Variants in PRORP observed in about 807,000 individuals in gnomAD.
The protein encoded by PRORP is protein only RNase P catalytic subunit.
A neutral mutation model predicts 59.4 loss-of-function variants in PRORP; 51 were observed. The observed-to-expected ratio is 0.86, with a 90% CI of 0.69 to 1.08. PRORP has a LOEUF of 1.08. PRORP is among the 50% of genes least tolerant of loss of function. The pLI is 0.00. For missense variants in PRORP, 646 were observed against 690.3 expected, an observed-to-expected ratio of 0.94 and a Z score of 0.72; for synonymous variants, 231 against 245.6, an observed-to-expected ratio of 0.94 and a Z score of 0.55.
At chr14:35,122,047 G>A (rs1307666562), upstream of PRORP, 8 of 1,475,520 alleles carry the variant, frequency 5.4e-6, no homozygotes, top group Non-Finnish European at 6.6e-6. Context: ...GCCAGGCCCC[G>A]TAAAGGTTAG....
At chr14:35,263,507 T>C (rs1016475862) in intron 5 of PRORP, among the ~76,000 whole-genome samples, 2 of 151,574 alleles carry the variant, frequency 1.3e-5, no homozygotes, top group African/African-American at 4.8e-5. Context: ...GCCAACATGG[T>C]GAAACTCCGT....
At chr14:35,186,901 C>A (rs981610915) in intron 5 of PRORP, among the ~76,000 whole-genome samples, 19 of 152,044 alleles carry the variant, frequency 1.2e-4, no homozygotes, top group African/African-American at 4.1e-4. Flanking sequence ...TTCTTTCTAT[C>A]TTTATGAATT....
In PRORP at chr14:35,277,542, C is replaced by T. The variant is rs1462449973; in HGVS notation, c.*3976C>T. The T allele has an allele frequency of 1.3e-5, 2 of 151,986 alleles. No individual in the cohort carries two copies. The highest frequency in any genetic ancestry group is 3.9e-4 in the East Asian group (2 of 5,182). 9.4% of individuals were successfully genotyped at this position (151,986 alleles called of 1,614,324 possible). On this transcript the variant is annotated 3_prime_UTR_variant, in exon 8 of 8. Transcript: ENST00000534898. The stretch of plus-strand genomic sequence containing the variant: ...CATTTAGAGCTCTACAGAGGGGAAG[C>T]CATAGAAATTAACAGGATGAAAATA...
intron 4 of PRORP, among the ~76,000 whole-genome samples, chr14:35,153,406 G>GGAGAGA (rs71435861): frequency 2.0e-5 from 3 of 151,190 alleles, no homozygotes; most frequent in Non-Finnish European, 4.4e-5. Flanking sequence ...GAGACCGTGG[G>GGAGAGA]GAGAGAGGGA....
intron 5 of PRORP, among the ~76,000 whole-genome samples, chr14:35,260,551 G>A (rs1405165679): frequency 6.6e-6 from 1 of 152,224 alleles, no homozygotes; most frequent in African/African-American, 2.4e-5. Flanking sequence ...AGACATCTGA[G>A]CAGGCCTAAG....
At chr14:35,219,075 A>G (rs2049699315) in intron 5 of PRORP, 1 of 152,216 alleles carries the variant, frequency 6.6e-6, no homozygotes, top group African/African-American at 2.4e-5. Context: ...TAGAACAAAT[A>G]TATACAGGAG....
At chr14:35,260,653 G>A (rs1185873243) in intron 5 of PRORP, among the ~76,000 whole-genome samples, 1 of 152,160 alleles carries the variant, frequency 6.6e-6, no homozygotes, top group African/African-American at 2.4e-5. Context: ...AGATTGCATA[G>A]CAACAGTCAT....
intron 5 of PRORP, among the ~76,000 whole-genome samples, chr14:35,233,232 G>T (rs959107971): frequency 1.3e-5 from 2 of 149,942 alleles, no homozygotes; most frequent in African/African-American, 4.9e-5. Flanking sequence ...AGCTAACATT[G>T]TTTCTGATAG....
At chr14:35,196,162 A>T (rs1186498075) in intron 5 of PRORP, among the ~76,000 whole-genome samples, 1 of 152,172 alleles carries the variant, frequency 6.6e-6, no homozygotes, top group Non-Finnish European at 1.5e-5. Flanking sequence ...TAAAACAACT[A>T]ATCAGTTAGC....
rs532105541 is a variant in PRORP, at chr14:35,123,579, A to G, written c.334A>G (p.Ile112Val). 17 of 1,614,218 alleles carry G rather than the reference A, an allele frequency of 1.1e-5. No individual in the cohort carries two copies. In the East Asian group the frequency reaches 2.0e-4, roughly 19 times the overall value. Reference protein sequence around the residue: ...DHALAPVRNTIQLPTQPLNSE... With the variant: ...DHALAPVRNTVQLPTQPLNSE... ...TGCCTTGGCACCTGTGAGGAACACT[A>G]TTCAACTCCCAACACAACCTTTGAA... The change falls in exon 2 of 8, where the codon ATT (isoleucine) becomes GTT (valine). Residue 112 changes from isoleucine (I) to valine (V), a missense_variant. Ile to Val is a conservative substitution (Grantham distance 29). Transcript: ENST00000534898.
chr14:35,270,112 T>C (rs1015914214), intron 6 of PRORP, among the ~76,000 whole-genome samples: 13 of 152,192 alleles, frequency 8.5e-5, no homozygotes, highest in African/African-American at 3.1e-4. Context: ...GAAGCAACTT[T>C]TAAGTGTGAA....
chr14:35,245,995 G>A (rs2050473041), intron 5 of PRORP, among the ~76,000 whole-genome samples: 1 of 152,080 alleles, frequency 6.6e-6, no homozygotes, highest in East Asian at 1.9e-4. Flanking sequence ...ATAGATCTCA[G>A]GTTAGAAATA....
intron 4 of PRORP, among the ~76,000 whole-genome samples, chr14:35,151,172 T>G (rs1162900360): frequency 2.6e-5 from 4 of 152,178 alleles, no homozygotes; most frequent in Admixed American, 6.5e-5. Flanking sequence ...TGATACACTT[T>G]TAGTGTTATT....
At chr14:35,136,526 C>T (rs1324272249) in intron 4 of PRORP, among the ~76,000 whole-genome samples, 1 of 145,198 alleles carries the variant, frequency 6.9e-6, no homozygotes, top group Non-Finnish European at 1.5e-5. Context: ...AGGCATGCAC[C>T]ACCACACCCG....
chr14:35,167,289 A>T (rs1462862012), intron 4 of PRORP, among the ~76,000 whole-genome samples: 2 of 152,230 alleles, frequency 1.3e-5, no homozygotes, highest in African/African-American at 4.8e-5. Flanking sequence ...TAAGGAGACC[A>T]TCACTGTTTT....
At chr14:35,154,519 T>G (rs1362334140) in intron 4 of PRORP, among the ~76,000 whole-genome samples, 1 of 152,122 alleles carries the variant, frequency 6.6e-6, no homozygotes. Flanking sequence ...ATTTGGTATG[T>G]GAAAATATCA....
Position 35,266,808 on chromosome 14 carries a change from T to A in PRORP, c.1357T>A (p.Ser453Thr), listed in dbSNP as rs765973938. The change falls in exon 6 of 8, where the codon TCC becomes ACC. Residue 453 changes from serine to threonine, a missense_variant. Ser to Thr is a moderately conservative substitution (Grantham distance 58, BLOSUM62 1). Transcript: ENST00000534898. ...CCGGAAGCACATGCTAAGACGGAGT[T>A]CCCAGTGGAGTCGGGATGAGATGGA... ...LGRKHMLRRSSQWSRDEMEEV... is the reference protein window; with the variant it reads ...LGRKHMLRRSTQWSRDEMEEV... The A allele has an allele frequency of 4.3e-6, 7 of 1,614,094 alleles. No individual in the cohort carries two copies. The South Asian group carries it at 7.7e-5, about 18-fold the overall frequency.
upstream of PRORP, chr14:35,122,184 T>A: frequency 1.8e-6 from 1 of 559,962 alleles, no homozygotes; most frequent in Non-Finnish European, 3.2e-6. Flanking sequence ...ATGAAAGAGA[T>A]GGAAAATGGT....
intron 4 of PRORP, among the ~76,000 whole-genome samples, chr14:35,179,796 G>C (rs144689249): frequency 4.6e-5 from 7 of 152,346 alleles, no homozygotes; most frequent in African/African-American, 9.6e-5. Flanking sequence ...TTCCTTTGGA[G>C]GGGGAGAGGT....
Sources: gnomAD v4.1 joint callset for allele counts (sites outside exome capture counted in the v4.1 genomes callset) on GRCh38, gnomAD v4.1.1 for gene constraint, MANE v1.5 for transcripts, NCBI Gene and HGNC (gene_info 2026-07-23, HGNC 2026-07-21) for gene names.